Variants in ARSG observed in about 807,000 individuals in gnomAD.
ARSG encodes the protein arylsulfatase G, also known as ASG.
Under a neutral mutation model 50.5 loss-of-function variants are expected in ARSG, and 37 were observed. That is an observed-to-expected ratio of 0.73 (90% CI 0.56 to 0.96). The LOEUF is 0.96. Among genes scored for constraint, ARSG ranks in the 50% least tolerant of loss-of-function variants. The pLI is 0.00. For missense variants in ARSG, 629 were observed against 675.3 expected (o/e 0.93, Z 0.76); for synonymous variants, 225 against 254.6 (o/e 0.88, Z 1.11).
At chr17:68,435,154 C>A in the ARSG span, among the ~76,000 whole-genome samples, 1 of 151,538 alleles carries the variant, frequency 6.6e-6, no homozygotes, top group Non-Finnish European at 1.5e-5. Flanking sequence ...TTGCAGTGAG[C>A]CGAGATTGCG....
chr17:68,424,404 C>T (rs1306276898), downstream of ARSG: 4 of 532,438 alleles, frequency 7.5e-6, no homozygotes, highest in South Asian at 1.4e-5. Context: ...GAGGGTTCCA[C>T]GGATCTGCGG....
chr17:68,359,441 G>C (rs2079183757), intron 6 of ARSG: 1 of 152,162 alleles, frequency 6.6e-6, no homozygotes, highest in Admixed American at 6.6e-5. Flanking sequence ...ACTGCCTTCT[G>C]CTGCCCTCTA....
At chr17:68,403,269 C>T (rs1335159092) in intron 11 of ARSG, among the ~76,000 whole-genome samples, 2 of 152,148 alleles carry the variant, frequency 1.3e-5, no homozygotes, top group Non-Finnish European at 2.9e-5. Context: ...AAGTAAAAGT[C>T]CTGCCAGAAA....
intron 2 of ARSG, among the ~76,000 whole-genome samples, chr17:68,326,286 C>T (rs533960386): frequency 1.1e-3 from 160 of 152,298 alleles, no homozygotes; most frequent in African/African-American, 3.8e-3. Flanking sequence ...CCAGGAGGGG[C>T]CAGCCCTGTG....
At chr17:68,406,252 T>TTA (rs754054887) in intron 11 of ARSG, among the ~76,000 whole-genome samples, 6 of 152,310 alleles carry the variant, frequency 3.9e-5, no homozygotes, top group East Asian at 3.9e-4. Context: ...CAGTATTCCA[T>TTA]TATATATATA....
chr17:68,299,804 T>G (rs782187371), intron 1 of ARSG, among the ~76,000 whole-genome samples: 8 of 152,182 alleles, frequency 5.3e-5, no homozygotes, highest in Non-Finnish European at 1.2e-4. Context: ...TCTGATTGGA[T>G]TTTTGATGAT....
the ARSG span, chr17:68,428,840 G>C: frequency 6.2e-7 from 1 of 1,613,468 alleles, no homozygotes; most frequent in Non-Finnish European, 8.5e-7. Flanking sequence ...TGTGGGTTTT[G>C]ATTAAGACAC....
chr17:68,323,954 TC>T (rs2077395935), intron 2 of ARSG, among the ~76,000 whole-genome samples: 2 of 150,950 alleles, frequency 1.3e-5, no homozygotes, highest in African/African-American at 2.4e-5. Context: ...GTGCCTGTAA[TC>T]CCAGCTATTT....
chr17:68,394,744 G>T (rs1175435679), intron 9 of ARSG, among the ~76,000 whole-genome samples: 1 of 152,132 alleles, frequency 6.6e-6, no homozygotes, highest in African/African-American at 2.4e-5. Context: ...GATAAGGGGG[G>T]ACTACTATAT....
intron 8 of ARSG, among the ~76,000 whole-genome samples, chr17:68,372,269 C>T (rs1444568936): frequency 6.6e-6 from 1 of 151,844 alleles, no homozygotes; most frequent in Non-Finnish European, 1.5e-5. Flanking sequence ...ATCTAACTGT[C>T]ATCTATCTAT....
chr17:68,429,076 C>A, the ARSG span: 1 of 642,302 alleles, frequency 1.6e-6, no homozygotes, highest in Admixed American at 2.6e-5. Context: ...CTGGTCTGGG[C>A]TTCTGGCTAT....
At chr17:68,324,304 G>A (rs17701598) in intron 2 of ARSG, among the ~76,000 whole-genome samples, 28,663 of 152,052 alleles carry the variant, frequency 0.19, 3,503 homozygotes, top group Non-Finnish European at 0.25. Flanking sequence ...CAGATGGGTC[G>A]TGGGCATTCC....
intron 4 of ARSG, among the ~76,000 whole-genome samples, chr17:68,350,568 G>A (rs538002808): frequency 3.2e-4 from 48 of 152,050 alleles, no homozygotes; most frequent in African/African-American, 1.1e-3. Context: ...GGTGTATCAC[G>A]AGGTCAGGAG....
chr17:68,284,684 C>A (rs1366391118), intron 1 of ARSG, among the ~76,000 whole-genome samples: 2 of 152,190 alleles, frequency 1.3e-5, no homozygotes, highest in Non-Finnish European at 2.9e-5. Context: ...CAAATCTGAT[C>A]TAACTTAGTA....
intron 4 of ARSG, among the ~76,000 whole-genome samples, chr17:68,348,962 G>A (rs906697828): frequency 2.0e-5 from 3 of 152,056 alleles, no homozygotes; most frequent in East Asian, 1.9e-4. Flanking sequence ...ATAGACCTGT[G>A]GTCCAAATCC....
intron 7 of ARSG, among the ~76,000 whole-genome samples, chr17:68,369,502 T>A (rs1032976598): frequency 3.3e-5 from 5 of 151,408 alleles, no homozygotes; most frequent in Admixed American, 2.0e-4. Flanking sequence ...ATCGTGTCAC[T>A]GCACTCCAGC....
intron 1 of ARSG, chr17:68,268,830 G>T: frequency 2.1e-6 from 1 of 476,096 alleles, no homozygotes. Context: ...CTCTTGTATT[G>T]CTACTGAATA....
intron 2 of ARSG, among the ~76,000 whole-genome samples, chr17:68,326,710 T>G (rs2077519156): frequency 6.6e-6 from 1 of 152,134 alleles, no homozygotes; most frequent in Non-Finnish European, 1.5e-5. Context: ...GCAACTCACC[T>G]TGTCTGGCTG....
intron 1 of ARSG, among the ~76,000 whole-genome samples, chr17:68,265,446 G>A (rs1555746165): frequency 1.3e-5 from 2 of 152,006 alleles, no homozygotes; most frequent in Non-Finnish European, 1.5e-5. Flanking sequence ...GTGAGCCAAG[G>A]TTGTGCCACT....
Sources: allele counts gnomAD v4.1 joint callset (sites outside exome capture counted in the v4.1 genomes callset), GRCh38; gene constraint gnomAD v4.1.1; transcripts MANE v1.5; gene names NCBI Gene and HGNC (gene_info 2026-07-23, HGNC 2026-07-21).